Variants in FAR2 observed in about 807,000 individuals in gnomAD.
FAR2 encodes the protein epididymis secretory protein Li 81.
FAR2 carries 19 observed loss-of-function variants against 56.0 expected under a neutral mutation model. That is an observed-to-expected ratio of 0.34 (90% confidence interval 0.24 to 0.50). The LOEUF is 0.50. FAR2 is among the 20% of genes least tolerant of loss of function. The pLI, the probability that FAR2 is intolerant of heterozygous loss-of-function variation, is 0.98. For synonymous variants in FAR2, 219 were observed against 218.8 expected (o/e 1.00, Z -0.01); for missense variants, 508 against 642.2 (o/e 0.79, Z 2.26).
chr12:29,275,459 G>A (rs961009078), intron 2 of FAR2, among the ~76,000 whole-genome samples: 1 of 152,182 alleles, frequency 6.6e-6, no homozygotes, highest in Non-Finnish European at 1.5e-5. Context: ...GGGGTCAGAG[G>A]CCTGACAGGT....
chr12:29,285,388 G>A (rs1166257012), intron 2 of FAR2, among the ~76,000 whole-genome samples: 1 of 152,118 alleles, frequency 6.6e-6, no homozygotes, highest in East Asian at 1.9e-4. Context: ...ACTGTTTTAC[G>A]CCCCGCCCCT....
intron 5 of FAR2, among the ~76,000 whole-genome samples, chr12:29,308,246 AT>A (rs969321301): frequency 2.0e-5 from 3 of 152,072 alleles, no homozygotes; most frequent in Non-Finnish European, 2.9e-5. Flanking sequence ...AGGAATACTA[AT>A]TTTTTTTAAA....
chr12:29,190,852 T>C (rs905932540), intron 1 of FAR2, among the ~76,000 whole-genome samples: 2 of 152,204 alleles, frequency 1.3e-5, no homozygotes, highest in African/African-American at 4.8e-5. Flanking sequence ...AGAATTTCAA[T>C]TTTTACATTA....
chr12:29,323,266 G>A (rs931092545), intron 10 of FAR2, among the ~76,000 whole-genome samples: 1 of 152,220 alleles, frequency 6.6e-6, no homozygotes, highest in Non-Finnish European at 1.5e-5. Context: ...AAACTGGGTG[G>A]AGCCCACCAC....
intron 1 of FAR2, among the ~76,000 whole-genome samples, chr12:29,187,921 C>T (rs1177600423): frequency 1.3e-5 from 2 of 152,168 alleles, no homozygotes; most frequent in Non-Finnish European, 2.9e-5. Flanking sequence ...AGTTTCATTT[C>T]GTAAAACTAC....
At chr12:29,247,683 T>G (rs114270960) in intron 1 of FAR2, among the ~76,000 whole-genome samples, 97 of 152,354 alleles carry the variant, frequency 6.4e-4, no homozygotes, top group African/African-American at 2.3e-3. Flanking sequence ...CACATTGAGA[T>G]ACAGTTGTAA....
At chr12:29,303,366 CTTT>C (rs891682701) in intron 4 of FAR2, among the ~76,000 whole-genome samples, 24 of 152,188 alleles carry the variant, frequency 1.6e-4, no homozygotes, top group African/African-American at 5.8e-4. Context: ...CATTTATCTT[CTTT>C]ATCTCTATGC....
intron 1 of FAR2, among the ~76,000 whole-genome samples, chr12:29,188,468 A>G (rs1950066416): frequency 6.6e-6 from 1 of 152,106 alleles, no homozygotes. Context: ...TAATTTGGGG[A>G]TAATTTGATA....
intron 10 of FAR2, among the ~76,000 whole-genome samples, chr12:29,326,574 C>T (rs1375340624): frequency 1.3e-4 from 20 of 148,298 alleles, no homozygotes; most frequent in East Asian, 3.9e-4. Flanking sequence ...GGGCTTCATC[C>T]CTGGGATGCA....
intron 1 of FAR2, among the ~76,000 whole-genome samples, chr12:29,215,345 A>G (rs1020130091): frequency 6.6e-6 from 1 of 152,202 alleles, no homozygotes; most frequent in African/African-American, 2.4e-5. Flanking sequence ...GGGAAAGAAA[A>G]ATAAAAGATG....
intron 1 of FAR2, among the ~76,000 whole-genome samples, chr12:29,178,183 TA>T (rs11325990): frequency 0.73 from 108,706 of 148,342 alleles, 41,571 homozygotes; most frequent in East Asian, 0.9. Flanking sequence ...ATTATAACAA[TA>T]AAAAAAAAAA....
chr12:29,270,781 A>C, intron 2 of FAR2, 143 bp downstream of exon 2: 1 of 591,798 alleles, frequency 1.7e-6, no homozygotes, highest in East Asian at 3.2e-5. Flanking sequence ...CAAGACAGCA[A>C]CAAGCTGCTG....
At chr12:29,150,225 A>T (rs1045703220) in intron 1 of FAR2, among the ~76,000 whole-genome samples, 1 of 152,190 alleles carries the variant, frequency 6.6e-6, no homozygotes, top group Non-Finnish European at 1.5e-5. Context: ...TTCATGCCCA[A>T]TCGTATCCTA....
At chr12:29,326,872 T>A (rs1232770910) in intron 10 of FAR2, among the ~76,000 whole-genome samples, 1 of 152,102 alleles carries the variant, frequency 6.6e-6, no homozygotes, top group South Asian at 2.1e-4. Context: ...TCACCACTCC[T>A]ATTCAACATA....
rs1039061440 is a variant in FAR2, at chr12:29,245,620, T to C, written c.-38-24792T>C. Among the ~76,000 whole-genome samples the C allele has an allele frequency of 2.6e-5, 4 of 152,302 alleles. No homozygotes were observed. The East Asian group carries it at 7.7e-4, about 29-fold the overall frequency. ...TCTGGCCTGGATCATTGAAATAGAC[T>C]CCAGATGTGTTTCTTGTCTCATTCT... On this transcript the variant is annotated intron_variant, in intron 1 of 11. Coordinates refer to ENST00000536681, the MANE Select transcript of FAR2 (RefSeq NM_001271783.2).
At chr12:29,296,064 G>A (rs1478568592) in intron 3 of FAR2, among the ~76,000 whole-genome samples, 1 of 152,078 alleles carries the variant, frequency 6.6e-6, no homozygotes, top group Non-Finnish European at 1.5e-5. Flanking sequence ...CACCGCGCCC[G>A]GCCTTTTAAC....
intron 2 of FAR2, among the ~76,000 whole-genome samples, chr12:29,277,214 G>A (rs1420091348): frequency 1.3e-5 from 2 of 152,110 alleles, no homozygotes; most frequent in East Asian, 1.9e-4. Flanking sequence ...CTGACCTCGT[G>A]ATCCACCCAC....
intron 10 of FAR2, among the ~76,000 whole-genome samples, chr12:29,330,056 C>CT (rs10693997): frequency 0.075 from 9,465 of 126,930 alleles, 588 homozygotes; most frequent in East Asian, 0.12. Flanking sequence ...ACATTTATGA[C>CT]TTTTTTTTTT....
intron 1 of FAR2, among the ~76,000 whole-genome samples, chr12:29,173,624 C>G (rs11050101): frequency 6.6e-6 from 1 of 152,090 alleles, no homozygotes; most frequent in Non-Finnish European, 1.5e-5. Context: ...TGTGTTGCCT[C>G]TTTTTCAGGG....
Sources: gnomAD v4.1 joint callset for allele counts (sites outside exome capture counted in the v4.1 genomes callset) on GRCh38, gnomAD v4.1.1 for gene constraint, MANE v1.5 for transcripts, NCBI Gene and HGNC (gene_info 2026-07-23, HGNC 2026-07-21) for gene names.